ADRA1B: variants seen among roughly 807,000 people sequenced by gnomAD.
ADRA1B encodes the protein adrenoceptor alpha 1B.
ADRA1B carries 17 observed loss-of-function variants against 17.9 expected under a neutral mutation model. The ratio of observed to expected loss-of-function variants is 0.95; its 90% CI spans 0.65 to 1.42. The LOEUF (loss-of-function observed/expected upper bound fraction) is 1.42. Among genes scored for constraint, ADRA1B ranks in the 40% most tolerant of loss-of-function variants. ADRA1B has a pLI of 0.00. For synonymous variants in ADRA1B, 366 were observed against 327.6 expected (o/e 1.12, Z -1.27); for missense variants, 681 against 722.1 (o/e 0.94, Z 0.65).
intron 1 of ADRA1B, among the ~76,000 whole-genome samples, chr5:159,896,383 T>C (rs1452658150): frequency 1.3e-5 from 2 of 152,238 alleles, no homozygotes; most frequent in Non-Finnish European, 2.9e-5. Context: ...AGCCATCTTC[T>C]GGGGAACATG....
Position 159,916,717 on chromosome 5 carries a change from G to A in ADRA1B, c.-189G>A, listed in dbSNP as rs907567115. The A allele has an allele frequency of 1.7e-6, 1 of 581,140 alleles. No individual in the cohort carries two copies. Among genetic ancestry groups the A allele is most frequent in the East Asian group, 2.9e-5 (1 of 34,716 alleles). The allele number at this position is 581,140 out of a possible 1,614,324, so 36.0% of individuals were successfully genotyped here. A position where few individuals can be genotyped will look rare whatever the true frequency, so the allele number is the denominator to read the frequency against. Reference sequence around the variant, plus strand: ...TCCTCCTCCTCCCTCTGACAGGCGAGCGAGCGACTCGGTGCAGGCAGGAGA... The same window carrying A: ...TCCTCCTCCTCCCTCTGACAGGCGAACGAGCGACTCGGTGCAGGCAGGAGA... On this transcript the variant is annotated 5_prime_UTR_variant, in exon 1 of 2. Transcript: ENST00000306675.
At chr5:159,871,976 C>G (rs906765504) in intron 1 of ADRA1B, among the ~76,000 whole-genome samples, 3 of 152,122 alleles carry the variant, frequency 2.0e-5, no homozygotes, top group Non-Finnish European at 4.4e-5. Flanking sequence ...ACTTTATGTA[C>G]TCATGAGGGA....
chr5:159,910,448 G>T (rs1754216567), intron 1 of ADRA1B, among the ~76,000 whole-genome samples: 1 of 152,172 alleles, frequency 6.6e-6, no homozygotes, highest in African/African-American at 2.4e-5. Context: ...AGTGACCCTG[G>T]CTCTACCTCA....
At chr5:159,937,967 G>T (rs1400667422) in intron 1 of ADRA1B, among the ~76,000 whole-genome samples, 1 of 152,146 alleles carries the variant, frequency 6.6e-6, no homozygotes, top group Admixed American at 6.5e-5. Flanking sequence ...TGCCCCACTG[G>T]AGGCCAAAGC....
At chr5:159,924,905 G>T (rs760946408) in intron 1 of ADRA1B, among the ~76,000 whole-genome samples, 1 of 152,148 alleles carries the variant, frequency 6.6e-6, no homozygotes, top group African/African-American at 2.4e-5. Flanking sequence ...AGGTCTCATC[G>T]AGTGCCAGGC....
chr5:159,882,499 G>A (rs1753873910), intron 1 of ADRA1B, among the ~76,000 whole-genome samples: 1 of 152,204 alleles, frequency 6.6e-6, no homozygotes, highest in Non-Finnish European at 1.5e-5. Flanking sequence ...GTTCCCAGCT[G>A]TGCTGACTCC....
intron 1 of ADRA1B, among the ~76,000 whole-genome samples, chr5:159,902,965 C>T (rs561279188): frequency 2.0e-5 from 3 of 152,258 alleles, no homozygotes; most frequent in Admixed American, 1.3e-4. Context: ...GGACAGAACA[C>T]GTCAGGTACT....
chr5:159,987,333 C>G, the ADRA1B span, among the ~76,000 whole-genome samples: 1 of 152,240 alleles, frequency 6.6e-6, no homozygotes, highest in Non-Finnish European at 1.5e-5. Flanking sequence ...GCTCAGCGGG[C>G]CGGCGCCGCG....
intron 1 of ADRA1B, among the ~76,000 whole-genome samples, chr5:159,891,109 C>G (rs948144396): frequency 6.6e-6 from 1 of 152,178 alleles, no homozygotes; most frequent in Non-Finnish European, 1.5e-5. Flanking sequence ...AGATGGTCTT[C>G]TGGCTCCTTC....
At chr5:159,969,700 A>G (rs1477259793) in intron 1 of ADRA1B, among the ~76,000 whole-genome samples, 1 of 152,250 alleles carries the variant, frequency 6.6e-6, no homozygotes, top group Non-Finnish European at 1.5e-5. Flanking sequence ...AAAATATGCC[A>G]CAAGCCAAGT....
At chr5:159,988,215 G>A in the ADRA1B span, among the ~76,000 whole-genome samples, 1 of 152,104 alleles carries the variant, frequency 6.6e-6, no homozygotes, top group Non-Finnish European at 1.5e-5. Context: ...TTGAAGATGG[G>A]GAAAGGAGGC....
At chr5:159,939,743 A>C (rs1472577150) in intron 1 of ADRA1B, among the ~76,000 whole-genome samples, 1 of 152,196 alleles carries the variant, frequency 6.6e-6, no homozygotes. Flanking sequence ...TCCTCCAGCC[A>C]CACAGGAGCA....
chr5:159,931,812 A>T (rs1754813827), intron 1 of ADRA1B, among the ~76,000 whole-genome samples: 2 of 152,314 alleles, frequency 1.3e-5, no homozygotes, highest in South Asian at 4.1e-4. Flanking sequence ...AGGCTCTCGA[A>T]TGCCTCTTTT....
intron 1 of ADRA1B, chr5:159,948,065 G>A: frequency 1.0e-6 from 1 of 985,408 alleles, no homozygotes; most frequent in Non-Finnish European, 1.2e-6. Context: ...GATTAAACTT[G>A]GAATCCTGAC....
At chr5:159,983,070 A>G in the ADRA1B span, among the ~76,000 whole-genome samples, 1 of 152,208 alleles carries the variant, frequency 6.6e-6, no homozygotes, top group Non-Finnish European at 1.5e-5. Context: ...GGGATTGATG[A>G]GGACGCACCT....
chr5:159,986,604 C>T, the ADRA1B span, among the ~76,000 whole-genome samples: 7 of 152,142 alleles, frequency 4.6e-5, no homozygotes, highest in Admixed American at 4.6e-4. Context: ...AAAATACCGA[C>T]TCACAGTCAC....
At chr5:159,901,432 G>C (rs1242526869) in intron 1 of ADRA1B, among the ~76,000 whole-genome samples, 13 of 119,078 alleles carry the variant, frequency 1.1e-4, no homozygotes, top group African/African-American at 4.1e-4. Context: ...GAGGGAGAGG[G>C]GGAGGGGAGG....
At chr5:159,915,914 G>A (rs1754288392), upstream of ADRA1B, among the ~76,000 whole-genome samples, 2 of 152,172 alleles carry the variant, frequency 1.3e-5, no homozygotes, top group East Asian at 1.9e-4. Context: ...CAGAGCCAGG[G>A]CAGAGAGTGG....
chr5:159,950,339 C>G (rs1452309084), intron 1 of ADRA1B, among the ~76,000 whole-genome samples: 4 of 152,058 alleles, frequency 2.6e-5, no homozygotes, highest in African/African-American at 9.7e-5. Context: ...AGGTGGGGCT[C>G]CCTAGGCCCC....
Sources: gnomAD v4.1 joint callset for allele counts (sites outside exome capture counted in the v4.1 genomes callset) on GRCh38, gnomAD v4.1.1 for gene constraint, MANE v1.5 for transcripts, NCBI Gene and HGNC (gene_info 2026-07-23, HGNC 2026-07-21) for gene names.